MAGI1: variants seen among roughly 807,000 people sequenced by gnomAD.
MAGI1 encodes the protein membrane associated guanylate kinase, WW and PDZ domain containing 1.
MAGI1 carries 58 observed loss-of-function variants against 139.9 expected under a neutral mutation model. The ratio of observed to expected loss-of-function variants is 0.41; its 90% CI spans 0.34 to 0.52. MAGI1 has a LOEUF of 0.52. Ranked by LOEUF, MAGI1 falls within the 20% of genes least tolerant of loss-of-function variation. MAGI1 has a pLI of 0.12. For synonymous variants in MAGI1, 812 were observed against 737.9 expected (o/e 1.10, Z -1.63); for missense variants, 1,874 against 1,901.6 (o/e 0.99, Z 0.27).
intron 2 of MAGI1, among the ~76,000 whole-genome samples, chr3:65,559,073 TACA>T (rs1304639311): frequency 6.6e-6 from 1 of 152,154 alleles, no homozygotes; most frequent in Non-Finnish European, 1.5e-5. Context: ...AAAAAAGTCT[TACA>T]ACAACAAAGA....
At chr3:65,878,931 G>A (rs1179592094) in intron 1 of MAGI1, among the ~76,000 whole-genome samples, 1 of 152,084 alleles carries the variant, frequency 6.6e-6, no homozygotes, top group Non-Finnish European at 1.5e-5. Context: ...CTTCTCCAAG[G>A]CCTTCCTCCA....
intron 4 of MAGI1, among the ~76,000 whole-genome samples, chr3:65,477,711 A>T (rs866199771): frequency 0.025 from 3,549 of 141,482 alleles, 94 homozygotes; most frequent in African/African-American, 0.065. Context: ...TATTATTATT[A>T]TTTTTTTTTT....
At chr3:65,582,205 T>C (rs1695285776) in intron 2 of MAGI1, among the ~76,000 whole-genome samples, 1 of 152,228 alleles carries the variant, frequency 6.6e-6, no homozygotes, top group African/African-American at 2.4e-5. Context: ...CTGCATTCCC[T>C]GCCCTAGAAC....
At chr3:65,634,008 C>T (rs1234423576) in intron 1 of MAGI1, among the ~76,000 whole-genome samples, 1 of 152,158 alleles carries the variant, frequency 6.6e-6, no homozygotes, top group Non-Finnish European at 1.5e-5. Flanking sequence ...TGACAGTGAA[C>T]ACTGATTAAG....
chr3:65,626,091 T>C (rs2083954575), intron 1 of MAGI1, among the ~76,000 whole-genome samples: 1 of 152,226 alleles, frequency 6.6e-6, no homozygotes, highest in South Asian at 2.1e-4. Context: ...GGGTTTTAAA[T>C]TTCTCTTAGG....
chr3:65,715,038 G>C (rs1258919184), intron 1 of MAGI1, among the ~76,000 whole-genome samples: 3 of 152,034 alleles, frequency 2.0e-5, no homozygotes, highest in Non-Finnish European at 4.4e-5. Flanking sequence ...AGAGATGGTG[G>C]GGGGTGGGAT....
chr3:65,811,692 A>T (rs902723172), intron 1 of MAGI1, among the ~76,000 whole-genome samples: 33 of 151,704 alleles, frequency 2.2e-4, no homozygotes, highest in African/African-American at 7.5e-4. Flanking sequence ...AAATACACAA[A>T]CAAAAAAAAA....
chr3:65,869,367 T>TTTGTTGTTGTTG (rs200952901), intron 1 of MAGI1, among the ~76,000 whole-genome samples: 9 of 118,938 alleles, frequency 7.6e-5, no homozygotes, highest in African/African-American at 2.6e-4. Context: ...AGACTGGTTT[T>TTTGTTGTTGTTG]TTGTTGTTGT....
At chr3:66,037,242 G>A (rs565517269) in intron 1 of MAGI1, among the ~76,000 whole-genome samples, 69 of 152,274 alleles carry the variant, frequency 4.5e-4, no homozygotes, top group African/African-American at 1.5e-3. Context: ...TGCAAGTAAA[G>A]TATTTTACAC....
intron 1 of MAGI1, among the ~76,000 whole-genome samples, chr3:65,989,449 C>T (rs1052202806): frequency 1.3e-5 from 2 of 152,194 alleles, no homozygotes; most frequent in African/African-American, 4.8e-5. Flanking sequence ...TGGAGAACCA[C>T]TGCTATAGGT....
At chr3:65,751,367 TC>T (rs1485856637) in intron 1 of MAGI1, among the ~76,000 whole-genome samples, 6 of 152,174 alleles carry the variant, frequency 3.9e-5, no homozygotes, top group Admixed American at 3.9e-4. Context: ...GCTGGAGCAT[TC>T]CCATTGTGTG....
intron 18 of MAGI1, chr3:65,371,748 A>G: frequency 4.9e-6 from 1 of 205,600 alleles, no homozygotes; most frequent in Non-Finnish European, 1.0e-5. Flanking sequence ...TCATTTCAAC[A>G]AAGTTTGCAA....
chr3:65,569,545 T>C, intron 2 of MAGI1, among the ~76,000 whole-genome samples: 1 of 125,234 alleles, frequency 8.0e-6, no homozygotes. Context: ...TTAAAGTATA[T>C]AAATCCTTCC....
intron 1 of MAGI1, among the ~76,000 whole-genome samples, chr3:66,000,265 C>T (rs925089978): frequency 1.3e-5 from 2 of 152,028 alleles, no homozygotes; most frequent in African/African-American, 4.8e-5. Flanking sequence ...CTCAAGCCAC[C>T]GCGCCCAGCC....
In MAGI1 at chr3:65,478,694, G is replaced by A; in HGVS notation, c.655C>T (p.Pro219Ser). Residue 219 changes from proline (P) to serine (S), a missense_variant, in exon 4 of 23, where the codon CCG becomes TCG. Physicochemically the swap from Pro to Ser is moderately conservative, Grantham distance 74. Transcript: ENST00000402939. ...TCATTGTAGGACTTGGTTCGCTTCG[G>A]GGTCGACTGCTTAGAGCCAGACTGA... Reference protein sequence around the residue: ...SLQSGSKQSTPKRTKSYNDMQ... With the variant: ...SLQSGSKQSTSKRTKSYNDMQ... The A allele has an allele frequency of 6.2e-7, 1 of 1,614,006 alleles. No homozygotes were observed. Among genetic ancestry groups the A allele is most frequent in the South Asian group, 1.1e-5 (1 of 91,076 alleles).
chr3:65,901,878 C>T (rs2061247585), intron 1 of MAGI1, among the ~76,000 whole-genome samples: 2 of 152,102 alleles, frequency 1.3e-5, no homozygotes, highest in African/African-American at 2.4e-5. Context: ...CAAGTACATC[C>T]TTATTTTGCT....
intron 1 of MAGI1, among the ~76,000 whole-genome samples, chr3:66,016,972 C>CACCAGGG (rs1257764836): frequency 8.5e-5 from 13 of 152,074 alleles, no homozygotes; most frequent in African/African-American, 3.1e-4. Flanking sequence ...ATTTAGAGGT[C>CACCAGGG]ACCAGGGGCC....
chr3:65,835,323 C>G (rs988369652), intron 1 of MAGI1, among the ~76,000 whole-genome samples: 1 of 152,094 alleles, frequency 6.6e-6, no homozygotes, highest in Admixed American at 6.6e-5. Context: ...AAACAAGAAA[C>G]TACAGTTATA....
intron 1 of MAGI1, among the ~76,000 whole-genome samples, chr3:65,705,385 A>G (rs2030023539): frequency 6.6e-6 from 1 of 152,222 alleles, no homozygotes; most frequent in Admixed American, 6.5e-5. Context: ...TAAGCCCTCA[A>G]GAGGAGCAAT....
Sources: gnomAD v4.1 joint callset for allele counts (sites outside exome capture counted in the v4.1 genomes callset) on GRCh38, gnomAD v4.1.1 for gene constraint, MANE v1.5 for transcripts, NCBI Gene and HGNC (gene_info 2026-07-23, HGNC 2026-07-21) for gene names.